The following JCAD variants were observed in gnomAD, a reference collection of about 807,000 sequenced individuals.
JCAD encodes junctional cadherin 5-associated protein.
In JCAD, 40 loss-of-function variants were observed where a neutral mutation model predicts 98.0. The ratio of observed to expected loss-of-function variants is 0.41; its 90% CI spans 0.32 to 0.53. The LOEUF is 0.53. Ranked by LOEUF, JCAD falls within the 20% of genes least tolerant of loss-of-function variation. JCAD has a pLI of 0.31. For missense variants in JCAD, 1,705 were observed against 1,738.1 expected, an observed-to-expected ratio of 0.98 and a Z score of 0.34; for synonymous variants, 691 against 682.3, an observed-to-expected ratio of 1.01 and a Z score of -0.20.
chr10:30,104,758 A>T (rs769599268), intron 1 of JCAD, among the ~76,000 whole-genome samples: 8 of 151,512 alleles, frequency 5.3e-5, no homozygotes, highest in Non-Finnish European at 1.2e-4. Flanking sequence ...AATTAAAAAC[A>T]TATGCTTGTC....
intron 1 of JCAD, among the ~76,000 whole-genome samples, chr10:30,112,108 A>T (rs1027712181): frequency 2.0e-5 from 3 of 152,230 alleles, no homozygotes; most frequent in Non-Finnish European, 4.4e-5. Context: ...ATATATACAC[A>T]CAATGGACTA....
rs565910425 is a variant in JCAD at position 30,056,518 on chromosome 10, CT to C, written c.-60+2963del. ...TCTTCCTACACAGACAAGTTGCTTG[CT>C]TTTTTTTTTTTCTTTCCTTCTTTGG... On this transcript the variant is annotated intron_variant, in intron 1 of 3. Coordinates refer to ENST00000375377, the MANE Select transcript of JCAD (RefSeq NM_020848.4). 1.3e-3 allele frequency among the ~76,000 whole-genome samples: 193 copies of C among 145,846 alleles called. 4 individuals are homozygous for C. The highest frequency in any genetic ancestry group is 2.8e-3 in the African/African-American group (113 of 40,066).
At chr10:30,041,345 G>A (rs962866345) in intron 2 of JCAD, among the ~76,000 whole-genome samples, 1 of 152,150 alleles carries the variant, frequency 6.6e-6, no homozygotes, top group Non-Finnish European at 1.5e-5. Context: ...TGCTTAGTAT[G>A]GAAACAAGCA....
At chr10:30,077,782 A>G (rs530247211) in intron 1 of JCAD, among the ~76,000 whole-genome samples, 2 of 152,352 alleles carry the variant, frequency 1.3e-5, no homozygotes, top group African/African-American at 2.4e-5. Flanking sequence ...ATAATCTTCA[A>G]TGGTACATAT....
At chr10:30,043,399 T>C (rs1252892392) in intron 2 of JCAD, among the ~76,000 whole-genome samples, 1 of 152,216 alleles carries the variant, frequency 6.6e-6, no homozygotes, top group Non-Finnish European at 1.5e-5. Flanking sequence ...TCTAAACTGA[T>C]ACTAATCATT....
chr10:30,045,943 A>G (rs543938158), intron 2 of JCAD, among the ~76,000 whole-genome samples: 22 of 152,120 alleles, frequency 1.4e-4, no homozygotes, highest in African/African-American at 5.1e-4. Flanking sequence ...AATCCTTCCC[A>G]TTTTTGCCTG....
At chr10:30,111,036 C>A (rs540959786) in intron 1 of JCAD, among the ~76,000 whole-genome samples, 2 of 151,964 alleles carry the variant, frequency 1.3e-5, no homozygotes, top group Non-Finnish European at 2.9e-5. Context: ...GATGTATAGA[C>A]CCCTGATGTA....
intron 1 of JCAD, among the ~76,000 whole-genome samples, chr10:30,100,387 A>C (rs551829672): frequency 1.4e-4 from 21 of 151,976 alleles, no homozygotes; most frequent in Non-Finnish European, 2.2e-4. Flanking sequence ...TTTTTGTTGT[A>C]GTTGTTGTTG....
At chr10:30,066,801 A>G (rs1837792267) in intron 2 of JCAD, among the ~76,000 whole-genome samples, 1 of 152,126 alleles carries the variant, frequency 6.6e-6, no homozygotes, top group African/African-American at 2.4e-5. Flanking sequence ...CAGGCAGATC[A>G]CTTGAGGTCA....
intron 1 of JCAD, among the ~76,000 whole-genome samples, chr10:30,098,232 C>G (rs572734036): frequency 1.3e-5 from 2 of 152,314 alleles, no homozygotes; most frequent in African/African-American, 4.8e-5. Flanking sequence ...TGTTCTCTAG[C>G]TAGGCTGATC....
At chr10:30,045,352 A>G (rs1458002057) in intron 2 of JCAD, among the ~76,000 whole-genome samples, 2 of 152,108 alleles carry the variant, frequency 1.3e-5, no homozygotes, top group African/African-American at 4.8e-5. Flanking sequence ...TCTTTACTTC[A>G]TTAGAAACTG....
chr10:30,027,715 G>C lies in JCAD; in HGVS notation c.2433C>G (p.Asn811Lys). Residue 811 changes from asparagine to lysine, a missense_variant, in exon 3 of 4, where the codon AAC becomes AAG. This residue lies in a region of JCAD where 1,278 missense variants were observed against 1,243.1 expected (regional missense o/e 1.03). Transcript: ENST00000375377. ...VVKGEPTGPC[N>K]SKQLFGQFLL... The stretch of plus-strand genomic sequence containing the variant: ...GAAACTGCCCAAAGAGTTGTTTACT[G>C]TTGCAAGGGCCCGTGGGCTCCCCCT... 1 of 1,614,250 alleles carries C rather than the reference G, an allele frequency of 6.2e-7. No individual in the cohort carries two copies. The highest frequency in any genetic ancestry group is 1.3e-5 in the African/African-American group (1 of 75,066).
chr10:30,028,664 G>A lies in JCAD; in HGVS notation c.1484C>T (p.Ser495Phe). Residue 495 changes from serine to phenylalanine, a missense_variant, in exon 3 of 4, where the codon TCC becomes TTC. By Grantham distance (155) the Ser-to-Phe change is radical. Around this residue, in one of 3 missense-constraint regions of JCAD, gnomAD observed 1,278 missense variants for 1,243.1 expected, o/e 1.03. Coordinates refer to ENST00000375377, the MANE Select transcript of JCAD (RefSeq NM_020848.4). ...CTGGCCCCACAGCCACCGGGGGCTGGAATCGGCCAAGACCAGGCCTCTCTC... is the reference window on the plus strand; with the variant it reads ...CTGGCCCCACAGCCACCGGGGGCTGAAATCGGCCAAGACCAGGCCTCTCTC... ...GDERGLVLAD[S>F]SPRWLWGQPP... 8 of 1,604,922 alleles carry A rather than the reference G, an allele frequency of 5.0e-6. No individual in the cohort carries two copies. The highest frequency in any genetic ancestry group is 6.8e-6 in the Non-Finnish European group (8 of 1,175,608).
intron 1 of JCAD, among the ~76,000 whole-genome samples, chr10:30,049,621 C>G (rs1009455717): frequency 6.6e-5 from 10 of 152,220 alleles, no homozygotes; most frequent in Non-Finnish European, 5.9e-5. Flanking sequence ...TCCTGACACT[C>G]CTACTGCATG....
rs1415844741 is a variant in JCAD at position 30,026,862 on chromosome 10, C to T, written c.3286G>A (p.Val1096Met). The T allele has an allele frequency of 6.2e-7, 1 of 1,614,000 alleles. No individual in the cohort carries two copies. The highest frequency in any genetic ancestry group is 1.1e-5 in the South Asian group (1 of 91,076). Residue 1096 changes from valine (V) to methionine (M), a missense_variant, in exon 3 of 4, where the codon GTG becomes ATG. Around this residue, in one of 3 missense-constraint regions of JCAD, gnomAD observed 1,278 missense variants for 1,243.1 expected, o/e 1.03. Transcript: ENST00000375377. ...CGGATGCCCGGCAGGAGGGACTCCA[C>T]CGCCACCTCAATGCCCAGGATCCTT... ...AARILGIEVA[V>M]ESLLPGIRRA...
At chr10:30,059,688 T>C (rs865870731), upstream of JCAD, among the ~76,000 whole-genome samples, 8 of 145,672 alleles carry the variant, frequency 5.5e-5, no homozygotes, top group Non-Finnish European at 7.4e-5. The surrounding 1 kb of genome is among the most constrained non-coding windows in gnomAD (Gnocchi z 5.0). Flanking sequence ...ACGAGCTTCC[T>C]AGGCTTTTGG....
intron 3 of JCAD, among the ~76,000 whole-genome samples, chr10:30,020,627 G>T (rs1001779793): frequency 6.6e-6 from 1 of 152,198 alleles, no homozygotes; most frequent in Admixed American, 6.5e-5. Flanking sequence ...CTGCACGCAG[G>T]AATAATCTGG....
In JCAD at chr10:30,016,152, T is replaced by C. The variant is rs1032297526; in HGVS notation, c.*1731A>G. On this transcript the variant is annotated 3_prime_UTR_variant, in exon 4 of 4. Coordinates refer to ENST00000375377, the MANE Select transcript of JCAD (RefSeq NM_020848.4). ...CCAAATACATAAAGTTATTATGAAATAAAATCATACGGTACAGATGAGAAC... is the reference window on the plus strand; with the variant it reads ...CCAAATACATAAAGTTATTATGAAACAAAATCATACGGTACAGATGAGAAC... The C allele has an allele frequency of 1.3e-5, 2 of 152,168 alleles. No homozygotes were observed. Among genetic ancestry groups the C allele is most frequent in the Admixed American group, 6.5e-5 (1 of 15,272 alleles). 9.4% of individuals were successfully genotyped at this position (152,168 alleles called of 1,614,324 possible).
chr10:30,111,029 G>A (rs1029167038), intron 1 of JCAD, among the ~76,000 whole-genome samples: 18 of 152,066 alleles, frequency 1.2e-4, no homozygotes, highest in African/African-American at 2.7e-4. Flanking sequence ...GGCAGCTGAT[G>A]TATAGACCCC....
Sources: gnomAD v4.1 joint callset for allele counts (sites outside exome capture counted in the v4.1 genomes callset) on GRCh38, gnomAD v4.1.1 for gene constraint, gnomAD v4.1.1 regional missense constraint, Gnocchi (gnomAD v3.1) non-coding constraint, MANE v1.5 for transcripts, NCBI Gene and HGNC (gene_info 2026-07-23, HGNC 2026-07-21) for gene names.